NRG3: variants seen among roughly 807,000 people sequenced by gnomAD.
NRG3 encodes neuregulin 3.
Under a neutral mutation model 66.9 loss-of-function variants are expected in NRG3, and 31 were observed. The observed-to-expected ratio is 0.46, with a 90% CI of 0.35 to 0.63. NRG3 has a LOEUF of 0.63. NRG3 is among the 20% of genes least tolerant of loss of function. NRG3 has a pLI of 0.00. For synonymous variants in NRG3, 393 were observed against 359.4 expected (o/e 1.09, Z -1.06); for missense variants, 910 against 878.9 (o/e 1.04, Z -0.45).
chr10:82,274,915 C>T (rs2078766979), intron 1 of NRG3, among the ~76,000 whole-genome samples: 1 of 151,866 alleles, frequency 6.6e-6, no homozygotes, highest in Admixed American at 6.6e-5. Context: ...TGGGAGCTGC[C>T]CAATTCCAAA....
intron 3 of NRG3, among the ~76,000 whole-genome samples, chr10:82,755,530 T>C (rs1441456078): frequency 6.6e-6 from 1 of 152,102 alleles, no homozygotes; most frequent in African/African-American, 2.4e-5. Flanking sequence ...GCTTAGGCCA[T>C]AGCTTCACTT....
intron 2 of NRG3, among the ~76,000 whole-genome samples, chr10:82,532,631 CTA>C (rs916381267): frequency 5.4e-5 from 8 of 147,310 alleles, no homozygotes; most frequent in African/African-American, 7.5e-5. Flanking sequence ...AGAGAGAGTA[CTA>C]TATATATATG....
intron 1 of NRG3, among the ~76,000 whole-genome samples, chr10:82,215,912 G>A (rs2075641419): frequency 1.4e-5 from 2 of 145,124 alleles, no homozygotes; most frequent in South Asian, 2.2e-4. Flanking sequence ...CTGATTTTGT[G>A]TGTGATTTGT....
chr10:82,859,630 C>A (rs965612291), intron 3 of NRG3, among the ~76,000 whole-genome samples: 3 of 152,130 alleles, frequency 2.0e-5, no homozygotes, highest in African/African-American at 7.2e-5. Flanking sequence ...GTTAGAAACA[C>A]CCAGGCCTTA....
intron 6 of NRG3, among the ~76,000 whole-genome samples, chr10:82,968,131 C>T (rs547002354): frequency 6.6e-6 from 1 of 152,292 alleles, no homozygotes; most frequent in African/African-American, 2.4e-5. Context: ...ATTGCTAGGA[C>T]AGGAATAGCG....
chr10:82,754,772 A>G (rs1193908377), intron 3 of NRG3, among the ~76,000 whole-genome samples: 1 of 152,080 alleles, frequency 6.6e-6, no homozygotes, highest in Non-Finnish European at 1.5e-5. Context: ...TTCATTATCT[A>G]AAGCAAATAT....
At chr10:82,227,331 A>C (rs2076215736) in intron 1 of NRG3, among the ~76,000 whole-genome samples, 1 of 152,144 alleles carries the variant, frequency 6.6e-6, no homozygotes, top group African/African-American at 2.4e-5. Context: ...GTCTCATTGC[A>C]GGAATACTTA....
intron 2 of NRG3, among the ~76,000 whole-genome samples, chr10:82,643,838 G>C (rs997896092): frequency 6.6e-6 from 1 of 150,684 alleles, no homozygotes; most frequent in African/African-American, 2.4e-5. Context: ...CAGCTCCTCC[G>C]TTTCTTTTGA....
chr10:82,189,319 T>G (rs1021424945), intron 1 of NRG3, among the ~76,000 whole-genome samples: 2 of 152,178 alleles, frequency 1.3e-5, no homozygotes, highest in Non-Finnish European at 2.9e-5. Context: ...AAATTTTGTC[T>G]CTTTTCTAGT....
At chr10:82,117,279 C>T (rs2067786384) in intron 1 of NRG3, among the ~76,000 whole-genome samples, 1 of 152,092 alleles carries the variant, frequency 6.6e-6, no homozygotes, top group East Asian at 1.9e-4. Context: ...TCTGTCTTTG[C>T]TCACTCACTC....
chr10:81,927,571 ATTAT>A (rs1846927452), intron 1 of NRG3, among the ~76,000 whole-genome samples: 1 of 152,180 alleles, frequency 6.6e-6, no homozygotes, highest in Admixed American at 6.5e-5. Context: ...TTACTTAGTC[ATTAT>A]TTATTTATTT....
chr10:82,553,570 G>T (rs1194305405), intron 2 of NRG3, among the ~76,000 whole-genome samples: 2 of 151,988 alleles, frequency 1.3e-5, no homozygotes, highest in Non-Finnish European at 2.9e-5. Flanking sequence ...TAGGTCTCAA[G>T]AAAAATATAT....
intron 3 of NRG3, among the ~76,000 whole-genome samples, chr10:82,739,645 G>C (rs560380843): frequency 6.6e-6 from 1 of 152,272 alleles, no homozygotes; most frequent in South Asian, 2.1e-4. Flanking sequence ...TCAAGTAAAT[G>C]CAAAGTTATT....
At chr10:82,120,005 A>G (rs999937557) in intron 1 of NRG3, among the ~76,000 whole-genome samples, 5 of 152,142 alleles carry the variant, frequency 3.3e-5, no homozygotes, top group Non-Finnish European at 7.4e-5. Flanking sequence ...TTAAGGGAAT[A>G]TGACACAGTT....
chr10:82,877,258 C>T (rs1207914027), intron 4 of NRG3, among the ~76,000 whole-genome samples: 2 of 151,908 alleles, frequency 1.3e-5, no homozygotes, highest in Admixed American at 1.3e-4. Context: ...GATGGTTCAG[C>T]CAGTCAGAAT....
chr10:82,293,533 A>G (rs970784715), intron 1 of NRG3, among the ~76,000 whole-genome samples: 6 of 152,162 alleles, frequency 3.9e-5, no homozygotes, highest in South Asian at 2.1e-4. Context: ...TAAATTTCCT[A>G]TGGGAATTGT....
intron 3 of NRG3, among the ~76,000 whole-genome samples, chr10:82,753,039 G>A (rs2058937663): frequency 6.6e-6 from 1 of 152,128 alleles, no homozygotes; most frequent in Non-Finnish European, 1.5e-5. Context: ...GAAAATGTGG[G>A]TGAAATATAT....
chr10:82,612,802 C>A (rs560600011), intron 2 of NRG3, among the ~76,000 whole-genome samples: 1 of 152,030 alleles, frequency 6.6e-6, no homozygotes, highest in East Asian at 1.9e-4. Flanking sequence ...GTCTACATTT[C>A]TTGTTTTGAG....
chr10:82,597,939 A>T (rs990894541), intron 2 of NRG3, among the ~76,000 whole-genome samples: 1 of 151,880 alleles, frequency 6.6e-6, no homozygotes, highest in Non-Finnish European at 1.5e-5. Context: ...AAAAAAAGCT[A>T]ACTTGCTTTA....
Sources: gnomAD v4.1 joint callset for allele counts (sites outside exome capture counted in the v4.1 genomes callset) on GRCh38, gnomAD v4.1.1 for gene constraint, MANE v1.5 for transcripts, NCBI Gene and HGNC (gene_info 2026-07-23, HGNC 2026-07-21) for gene names.